Variants in MECR observed in about 807,000 individuals in gnomAD.
MECR encodes the protein mitochondrial trans-2-enoyl-CoA reductase.
MECR carries 37 observed loss-of-function variants against 49.1 expected under a neutral mutation model. The ratio of observed to expected loss-of-function variants is 0.75; its 90% CI spans 0.58 to 0.99. MECR has a LOEUF of 0.99. Among genes scored for constraint, MECR ranks in the 50% least tolerant of loss-of-function variants. The pLI, the probability that MECR is intolerant of heterozygous loss-of-function variation, is 0.00. For missense variants in MECR, 470 were observed against 479.6 expected (o/e 0.98, Z 0.19); for synonymous variants, 198 against 191.1 (o/e 1.04, Z -0.30).
At chr1:29,212,960 G>A (rs1301850835) in intron 3 of MECR, among the ~76,000 whole-genome samples, 1 of 152,144 alleles carries the variant, frequency 6.6e-6, no homozygotes, top group Non-Finnish European at 1.5e-5. Flanking sequence ...TGCACTCTGT[G>A]CCTGGGAAGC....
rs765092374 is a variant in MECR, at chr1:29,201,774, C to A, written c.756+169G>T. Among the ~76,000 whole-genome samples, 2 of 152,180 alleles carry A rather than the reference C, an allele frequency of 1.3e-5. No individual in the cohort carries two copies. The highest frequency in any genetic ancestry group is 2.9e-5 in the Non-Finnish European group (2 of 68,034). On this transcript the variant is annotated intron_variant, in intron 6 of 9. Transcript: ENST00000263702. This position sits in a 1 kb window ranked among gnomAD's most constrained non-coding sequence, Gnocchi z 4.3. ...CCTCCCAGCATCTGGGCACTTAATGCGTGCTGCCTGCCGCCTGGCTAGGGG... is the reference window on the plus strand; with the variant it reads ...CCTCCCAGCATCTGGGCACTTAATGAGTGCTGCCTGCCGCCTGGCTAGGGG...
intron 1 of MECR, among the ~76,000 whole-genome samples, chr1:29,225,712 T>C (rs1390323311): frequency 6.6e-6 from 1 of 152,186 alleles, no homozygotes; most frequent in Non-Finnish European, 1.5e-5. Context: ...TGCTATTTTT[T>C]CCCCAAAGTA....
At chr1:29,171,288 G>C in the MECR span, 1 of 151,436 alleles carries the variant, frequency 6.6e-6, no homozygotes, top group African/African-American at 2.4e-5. Flanking sequence ...CCTCTACAGA[G>C]ACTAAAGGCT....
intron 3 of MECR, among the ~76,000 whole-genome samples, chr1:29,210,221 C>A (rs1287511661): frequency 6.6e-6 from 1 of 152,090 alleles, no homozygotes; most frequent in African/African-American, 2.4e-5. Flanking sequence ...ACTGTGTTAG[C>A]CAGGATGGTC....
At chr1:29,181,772 G>C in the MECR span, 6 of 1,558,112 alleles carry the variant, frequency 3.9e-6, no homozygotes, top group Non-Finnish European at 5.2e-6. Flanking sequence ...GGCAGTGATG[G>C]CTGGCCCCGG....
chr1:29,226,952 CTTTTTTTTT>C (rs890320572), intron 1 of MECR, among the ~76,000 whole-genome samples: 6 of 99,722 alleles, frequency 6.0e-5, no homozygotes, highest in Admixed American at 5.8e-4. Context: ...TGGGAACTAT[CTTTTTTTTT>C]TTTTTTTTTT....
At chr1:29,223,505 A>G (rs1434541996) in intron 1 of MECR, 1 of 158,064 alleles carries the variant, frequency 6.3e-6, no homozygotes, top group Non-Finnish European at 1.4e-5. Context: ...AGCAGGAAGA[A>G]GAGGTAGGGA....
chr1:29,211,132 C>A (rs917204624), intron 3 of MECR, among the ~76,000 whole-genome samples: 7 of 151,120 alleles, frequency 4.6e-5, no homozygotes, highest in African/African-American at 1.5e-4. Flanking sequence ...ACTCTGTTGC[C>A]CAGGTTGGAG....
chr1:29,206,505 C>G (rs1676607641), intron 4 of MECR, among the ~76,000 whole-genome samples: 1 of 152,160 alleles, frequency 6.6e-6, no homozygotes, highest in South Asian at 2.1e-4. Context: ...TGCTGAATGA[C>G]AGAATTCAAT....
the MECR span, among the ~76,000 whole-genome samples, chr1:29,187,654 C>G: frequency 6.6e-6 from 1 of 150,922 alleles, no homozygotes; most frequent in Admixed American, 6.6e-5. Context: ...GGCTGGAGTG[C>G]AGTGGTGCGA....
chr1:29,182,065 A>C, the MECR span: 4 of 260,878 alleles, frequency 1.5e-5, no homozygotes, highest in Non-Finnish European at 2.8e-5. Flanking sequence ...GCGCTGCGGC[A>C]CGTCCTCGCG....
At chr1:29,189,807 C>T (rs1673087256), downstream of MECR, among the ~76,000 whole-genome samples, 2 of 152,126 alleles carry the variant, frequency 1.3e-5, no homozygotes, top group African/African-American at 4.8e-5. Context: ...TCTTCTGTCT[C>T]AGAAATCTTT....
At chr1:29,191,212 G>A (rs1673119659), downstream of MECR, among the ~76,000 whole-genome samples, 1 of 152,142 alleles carries the variant, frequency 6.6e-6, no homozygotes, top group African/African-American at 2.4e-5. Flanking sequence ...CTGTATGCCT[G>A]CTCTTAGAGT....
the MECR span, among the ~76,000 whole-genome samples, chr1:29,186,301 C>G: frequency 6.6e-6 from 1 of 152,230 alleles, no homozygotes; most frequent in African/African-American, 2.4e-5. Context: ...ACAGTCAGGG[C>G]TTTGATATGC....
In MECR at chr1:29,216,112, A is replaced by C. The variant is rs1413226593; in HGVS notation, c.299T>G (p.Leu100Arg). 1.2e-6 allele frequency: 2 copies of C among 1,613,942 alleles called. No homozygotes were observed. Among genetic ancestry groups the C allele is most frequent in the Non-Finnish European group, 1.7e-6 (2 of 1,179,958 alleles). Residue 100 changes from leucine to arginine, a missense_variant, in exon 3 of 10, where the codon CTG becomes CGG. By Grantham distance (102) the Leu-to-Arg change is moderately radical (BLOSUM62 -2). Transcript: ENST00000263702. ...ACCTTCGTTCCCTCCAACAGCAGGC[A>C]GTTCAGGAAGGAATCCGTAGTTTCC... Reference protein sequence around the residue: ...IQGNYGFLPELPAVGGNEGVA... With the variant: ...IQGNYGFLPERPAVGGNEGVA...
intron 1 of MECR, chr1:29,223,201 A>G (rs2151912151): frequency 1.0e-6 from 1 of 985,418 alleles, no homozygotes; most frequent in East Asian, 1.1e-4. Flanking sequence ...ACTGTCCTCA[A>G]TCAACAGATC....
intron 1 of MECR, among the ~76,000 whole-genome samples, chr1:29,225,995 CCT>C (rs1681942260): frequency 6.6e-6 from 1 of 151,906 alleles, no homozygotes; most frequent in Non-Finnish European, 1.5e-5. Context: ...ATGGCGAAAC[CCT>C]GTCTTCACTA....
At chr1:29,216,903 G>A in intron 1 of MECR, 1 of 1,048,488 alleles carries the variant, frequency 9.5e-7, no homozygotes, top group Non-Finnish European at 1.3e-6. Context: ...GGAAGGCCGA[G>A]ACAGGCGGAT....
At chr1:29,210,177 A>AT (rs1169899893) in intron 3 of MECR, among the ~76,000 whole-genome samples, 1 of 151,878 alleles carries the variant, frequency 6.6e-6, no homozygotes, top group African/African-American at 2.4e-5. Context: ...CACCCGGCTA[A>AT]TTTTTTTGTA....
Sources: allele counts gnomAD v4.1 joint callset (sites outside exome capture counted in the v4.1 genomes callset), GRCh38; gene constraint gnomAD v4.1.1; non-coding constraint Gnocchi (gnomAD v3.1); transcripts MANE v1.5; gene names NCBI Gene and HGNC (gene_info 2026-07-23, HGNC 2026-07-21).